Variants in HERC5 observed in about 807,000 individuals in gnomAD.
HERC5 encodes E3 ISG15--protein ligase HERC5.
Under a neutral mutation model 119.6 loss-of-function variants are expected in HERC5, and 99 were observed. That is an observed-to-expected ratio of 0.83 (90% CI 0.70 to 0.98). The LOEUF is 0.98. Ranked by LOEUF, HERC5 falls within the 50% of genes least tolerant of loss-of-function variation. The pLI is 0.00. For synonymous variants in HERC5, 478 were observed against 445.9 expected, an observed-to-expected ratio of 1.07 and a Z score of -0.91; for missense variants, 1,267 against 1,241.3, an observed-to-expected ratio of 1.02 and a Z score of -0.31.
At chr4:88,491,753 A>C (rs1741645629) in intron 16 of HERC5, among the ~76,000 whole-genome samples, 1 of 151,896 alleles carries the variant, frequency 6.6e-6, no homozygotes, top group African/African-American at 2.4e-5. Context: ...TGTATTGGAG[A>C]CAATGTGTTG....
Position 88,463,628 on chromosome 4 carries a change from G to A in HERC5, c.780+5G>A, listed in dbSNP as rs369944873. On this transcript the variant is annotated splice_donor_5th_base_variant and intron_variant, in intron 5 of 22. Transcript: ENST00000264350. Reference sequence around the variant, plus strand: ...CACAGTGCCCTACTCACACAGGTGGGTGTACCCTTGTCTCTTTTTGGCTGT... The same window carrying A: ...CACAGTGCCCTACTCACACAGGTGGATGTACCCTTGTCTCTTTTTGGCTGT... The A allele has an allele frequency of 1.6e-5, 25 of 1,607,198 alleles. No homozygotes were observed. The highest frequency in any genetic ancestry group is 1.8e-5 in the Non-Finnish European group (21 of 1,175,432).
rs1222053926 is a variant in HERC5 at position 88,487,198 on chromosome 4, C to T, written c.1962+19C>T. On this transcript the variant is annotated intron_variant, in intron 15 of 22. Transcript: ENST00000264350. Reference sequence around the variant, plus strand: ...AATAGAGGTATGTATGCCTATTTGTCTTCATTAGCATAAATCACATGCTAA... The same window carrying T: ...AATAGAGGTATGTATGCCTATTTGTTTTCATTAGCATAAATCACATGCTAA... 1 of 1,334,506 alleles carries T rather than the reference C, an allele frequency of 7.5e-7. No homozygotes were observed. The highest frequency in any genetic ancestry group is 1.1e-6 in the Non-Finnish European group (1 of 929,834). The allele number at this position is 1,334,506 out of a possible 1,614,324, so 82.7% of individuals were successfully genotyped here.
At chr4:88,463,484 ACT>A (rs775401675) in intron 4 of HERC5, 46 bp from the exon 5 acceptor site, 2 of 1,292,598 alleles carry the variant, frequency 1.5e-6, no homozygotes, top group Admixed American at 3.4e-5. Flanking sequence ...CCACTGTGAA[ACT>A]CAGCATTTCC....
chr4:88,497,807 C>T (rs1422666285), intron 18 of HERC5, among the ~76,000 whole-genome samples: 1 of 151,928 alleles, frequency 6.6e-6, no homozygotes, highest in African/African-American at 2.4e-5. Context: ...TGGTGCTATT[C>T]ATCACGACAA....
At chr4:88,469,970 C>G (rs541900123) in intron 9 of HERC5, among the ~76,000 whole-genome samples, 1 of 152,226 alleles carries the variant, frequency 6.6e-6, no homozygotes, top group East Asian at 1.9e-4. Flanking sequence ...GATCCTGGAA[C>G]CATTAGTTTG....
intron 12 of HERC5, among the ~76,000 whole-genome samples, chr4:88,478,768 G>C (rs774613324): frequency 6.6e-6 from 1 of 151,776 alleles, no homozygotes; most frequent in Non-Finnish European, 1.5e-5. Context: ...GTGCCACCAC[G>C]CCCTGCTAAT....
At chr4:88,501,655 A>G (rs1462523911) in intron 20 of HERC5, among the ~76,000 whole-genome samples, 1 of 152,140 alleles carries the variant, frequency 6.6e-6, no homozygotes, top group Non-Finnish European at 1.5e-5. Flanking sequence ...TATATAACAG[A>G]ATTTTGCACA....
intron 20 of HERC5, among the ~76,000 whole-genome samples, 174 bp downstream of exon 20, chr4:88,501,159 T>G (rs1741935938): frequency 6.6e-6 from 1 of 152,218 alleles, no homozygotes; most frequent in East Asian, 1.9e-4. Flanking sequence ...GAGTTTATAT[T>G]GTGGTAAGGA....
intron 12 of HERC5, 136 bp from the exon 13 acceptor site, chr4:88,479,217 A>C (rs1461675465): frequency 2.0e-6 from 1 of 504,464 alleles, no homozygotes; most frequent in Non-Finnish European, 3.3e-6. Flanking sequence ...CCTGGGAGGC[A>C]GAGGATGTAG....
Position 88,457,224 on chromosome 4 carries a change from G to A in HERC5, c.-46G>A, listed in dbSNP as rs1242091059. The stretch of plus-strand genomic sequence containing the variant: ...TGGGCGCGCTCAGTCCCGGGACCAG[G>A]CGTTCTCTCCTCTCGCCTCTGGGCC... On this transcript the variant is annotated 5_prime_UTR_variant, in exon 1 of 23. Transcript: ENST00000264350. The A allele has an allele frequency of 1.6e-6, 2 of 1,289,516 alleles. No individual in the cohort carries two copies. Among genetic ancestry groups the A allele is most frequent in the South Asian group, 2.2e-5 (1 of 45,508 alleles). 79.9% of individuals were successfully genotyped at this position (1,289,516 alleles called of 1,614,324 possible).
chr4:88,504,637 C>CT (rs1742053760), intron 22 of HERC5, 40 bp downstream of exon 22: 14 of 1,239,418 alleles, frequency 1.1e-5, no homozygotes, highest in Non-Finnish European at 1.5e-5. Context: ...AATCGTATGT[C>CT]TTTTTAATGG....
intron 15 of HERC5, 85 bp from the exon 16 acceptor site, chr4:88,489,081 A>G (rs1741553253): frequency 1.9e-6 from 2 of 1,078,962 alleles, no homozygotes; most frequent in Non-Finnish European, 2.7e-6. Context: ...TATAAGCAGA[A>G]CCAGTTTATT....
In HERC5 at chr4:88,459,548, C is replaced by A. The variant is rs1740337840; in HGVS notation, c.389+78C>A. Reference sequence around the variant, plus strand: ...TAATTTCTGTAGGAAATATCTGATTCTTGTCCCCTGCTTTATATAGTAGCA... The same window carrying A: ...TAATTTCTGTAGGAAATATCTGATTATTGTCCCCTGCTTTATATAGTAGCA... On this transcript the variant is annotated intron_variant, in intron 2 of 22. Coordinates refer to ENST00000264350, the MANE Select transcript of HERC5 (RefSeq NM_016323.4). The A allele has an allele frequency of 3.6e-5, 34 of 939,402 alleles. No individual in the cohort carries two copies. The South Asian group carries it at 6.9e-4, about 19-fold the overall frequency. The allele number at this position is 939,402 out of a possible 1,614,324, so 58.2% of individuals were successfully genotyped here.
At chr4:88,492,138 G>A (rs1489567355) in intron 16 of HERC5, among the ~76,000 whole-genome samples, 8 of 151,730 alleles carry the variant, frequency 5.3e-5, no homozygotes, top group Admixed American at 5.2e-4. Context: ...TGAGTAGCTG[G>A]GATTACAGGT....
At chr4:88,460,350 T>C (rs1175330742) in intron 3 of HERC5, among the ~76,000 whole-genome samples, 179 bp downstream of exon 3, 1 of 152,218 alleles carries the variant, frequency 6.6e-6, no homozygotes, top group East Asian at 1.9e-4. Flanking sequence ...ATCTGTAAAA[T>C]GTTCAGGTTT....
chr4:88,498,337 G>T (rs916855797), intron 18 of HERC5, among the ~76,000 whole-genome samples: 4 of 152,158 alleles, frequency 2.6e-5, no homozygotes, highest in Non-Finnish European at 5.9e-5. Context: ...GGTGGGCTTT[G>T]CCCAGCAAAG....
Position 88,500,983 on chromosome 4 carries a change from C to A in HERC5, c.2580C>A (p.Asn860Lys). 1.2e-6 allele frequency: 2 copies of A among 1,600,422 alleles called. No homozygotes were observed. Among genetic ancestry groups the A allele is most frequent in the Non-Finnish European group, 1.7e-6 (2 of 1,171,678 alleles). Reference protein sequence around the residue: ...NGSSITVNQTNKRDYVSKYIN... With the variant: ...NGSSITVNQTKKRDYVSKYIN... Reference sequence around the variant, plus strand: ...GTAGCATAACTGTCAACCAGACTAACAAGTAGGTACAAAAAATGAAATAGT... The same window carrying A: ...GTAGCATAACTGTCAACCAGACTAAAAAGTAGGTACAAAAAATGAAATAGT... The change falls in exon 20 of 23, where the codon AAC (asparagine) becomes AAA (lysine). Residue 860 changes from asparagine (N) to lysine (K), a missense_variant and splice_region_variant. This residue lies in a region of HERC5 where 473 missense variants were observed against 445.7 expected (regional missense o/e 1.06). Coordinates refer to ENST00000264350, the MANE Select transcript of HERC5 (RefSeq NM_016323.4).
chr4:88,475,760 A>C, intron 11 of HERC5, 81 bp from the exon 12 acceptor site: 1 of 1,153,858 alleles, frequency 8.7e-7, no homozygotes. Context: ...TCCAGCCTCT[A>C]CACCTTGTTT....
At chr4:88,487,666 C>A (rs1303380230) in intron 15 of HERC5, among the ~76,000 whole-genome samples, 2 of 152,104 alleles carry the variant, frequency 1.3e-5, no homozygotes, top group Non-Finnish European at 2.9e-5. Context: ...TGTACAGATT[C>A]CTCCCTTTTC....
Sources: allele counts gnomAD v4.1 joint callset (sites outside exome capture counted in the v4.1 genomes callset), GRCh38; gene constraint gnomAD v4.1.1; regional missense constraint gnomAD v4.1.1; transcripts MANE v1.5; gene names NCBI Gene and HGNC (gene_info 2026-07-23, HGNC 2026-07-21).